Variants in ELMO1 observed in about 807,000 individuals in gnomAD.
ELMO1 encodes the protein engulfment and cell motility 1.
Under a neutral mutation model 98.9 loss-of-function variants are expected in ELMO1, and 26 were observed. The ratio of observed to expected loss-of-function variants is 0.26; its 90% confidence interval spans 0.19 to 0.36. The LOEUF is 0.36. Ranked by LOEUF, ELMO1 falls within the 10% of genes least tolerant of loss-of-function variation. The pLI is 1.00. For synonymous variants in ELMO1, 346 were observed against 346.0 expected (o/e 1.00, Z 0.00); for missense variants, 627 against 935.2 (o/e 0.67, Z 4.30).
chr7:37,073,472 T>C (rs1797389014), intron 15 of ELMO1, among the ~76,000 whole-genome samples: 1 of 152,204 alleles, frequency 6.6e-6, no homozygotes, highest in Non-Finnish European at 1.5e-5. Flanking sequence ...GGCAGAATAG[T>C]AAGGGGCTTT....
intron 4 of ELMO1, among the ~76,000 whole-genome samples, chr7:37,291,304 G>A (rs969238169): frequency 6.6e-6 from 1 of 152,090 alleles, no homozygotes; most frequent in Non-Finnish European, 1.5e-5. Context: ...TATAGCTAGA[G>A]AAAGTGCTTT....
intron 1 of ELMO1, among the ~76,000 whole-genome samples, chr7:37,358,012 T>A (rs147445074): frequency 1.3e-5 from 2 of 152,340 alleles, no homozygotes; most frequent in Non-Finnish European, 2.9e-5. Flanking sequence ...ATTGATTACA[T>A]CCTAGGGTTG....
chr7:36,866,157 T>C (rs889787703), intron 20 of ELMO1, among the ~76,000 whole-genome samples: 4 of 152,218 alleles, frequency 2.6e-5, no homozygotes, highest in East Asian at 1.9e-4. Context: ...GCACCAAGAA[T>C]GCCCACCTTA....
chr7:36,980,518 C>T (rs937490385), intron 16 of ELMO1, among the ~76,000 whole-genome samples: 2 of 152,196 alleles, frequency 1.3e-5, no homozygotes, highest in African/African-American at 4.8e-5. Context: ...GGTTAAATAA[C>T]TTGCAAAACT....
chr7:37,112,853 T>A (rs1231112634), intron 14 of ELMO1, among the ~76,000 whole-genome samples: 1 of 152,216 alleles, frequency 6.6e-6, no homozygotes, highest in Admixed American at 6.5e-5. Context: ...GGGAAGCTAT[T>A]TTTAACTAAT....
chr7:36,865,672 G>C (rs1417849600), intron 20 of ELMO1, among the ~76,000 whole-genome samples: 1 of 152,192 alleles, frequency 6.6e-6, no homozygotes, highest in Non-Finnish European at 1.5e-5. Context: ...AGCTAGATCA[G>C]ATGCCATGTC....
At chr7:36,906,752 C>G (rs983600714) in intron 16 of ELMO1, among the ~76,000 whole-genome samples, 9 of 151,786 alleles carry the variant, frequency 5.9e-5, no homozygotes, top group Non-Finnish European at 1.3e-4. Flanking sequence ...CACTGCACTC[C>G]AGCCTGGGTG....
At chr7:37,283,458 T>C (rs1797241690) in intron 4 of ELMO1, among the ~76,000 whole-genome samples, 1 of 152,216 alleles carries the variant, frequency 6.6e-6, no homozygotes, top group Non-Finnish European at 1.5e-5. Flanking sequence ...TAGAACCCAG[T>C]TCATGTCCAC....
intron 13 of ELMO1, among the ~76,000 whole-genome samples, chr7:37,208,096 G>A (rs746905150): frequency 6.6e-6 from 1 of 152,168 alleles, no homozygotes; most frequent in Non-Finnish European, 1.5e-5. Context: ...CTTTTACCTT[G>A]GAAAACTTAA....
rs550809355 is a variant in ELMO1, at chr7:36,973,643, G to A, written c.1437+39656C>T. Among the ~76,000 whole-genome samples, 658 of 152,330 alleles carry A rather than the reference G, an allele frequency of 4.3e-3. 11 individuals are homozygous for A. Among genetic ancestry groups the A allele is most frequent in the African/African-American group, 0.015 (626 of 41,586 alleles). On this transcript the variant is annotated intron_variant, in intron 16 of 21. Transcript: ENST00000310758. ...CCTCTGCCTGGGCTCCCACTTTGGC[G>A]GCACTTGAGAAGCCCTTCAGCCCAC...
intron 18 of ELMO1, among the ~76,000 whole-genome samples, chr7:36,882,790 A>G (rs1444200430): frequency 1.3e-5 from 2 of 152,210 alleles, no homozygotes; most frequent in Non-Finnish European, 2.9e-5. Context: ...TTCTCAGAAC[A>G]TATTTGTAGT....
intron 4 of ELMO1, among the ~76,000 whole-genome samples, chr7:37,314,153 C>G (rs533616504): frequency 7.2e-5 from 11 of 152,208 alleles, no homozygotes; most frequent in Non-Finnish European, 1.3e-4. Flanking sequence ...GACTCAGTGT[C>G]GTACCTGTTA....
chr7:37,266,923 G>C (rs1336389391), intron 5 of ELMO1, among the ~76,000 whole-genome samples: 1 of 151,558 alleles, frequency 6.6e-6, no homozygotes, highest in East Asian at 1.9e-4. Context: ...TGAGGCAGGA[G>C]AATCACTTGA....
chr7:37,277,065 C>T (rs1796878416), intron 4 of ELMO1, among the ~76,000 whole-genome samples: 1 of 152,228 alleles, frequency 6.6e-6, no homozygotes, highest in Non-Finnish European at 1.5e-5. Context: ...CACCTATGAC[C>T]TGGCACATGC....
chr7:37,131,979 A>C (rs1056643458), intron 14 of ELMO1, among the ~76,000 whole-genome samples: 1 of 152,204 alleles, frequency 6.6e-6, no homozygotes, highest in African/African-American at 2.4e-5. Context: ...ACGGTCCCAT[A>C]GATTACAGAT....
chr7:37,228,909 G>A (rs1400042303), intron 8 of ELMO1, among the ~76,000 whole-genome samples: 2 of 152,040 alleles, frequency 1.3e-5, no homozygotes, highest in Non-Finnish European at 2.9e-5. Flanking sequence ...GGAGAATCGC[G>A]TGAACCCAGG....
chr7:37,403,463 A>C (rs1803619218), intron 1 of ELMO1, among the ~76,000 whole-genome samples: 1 of 152,162 alleles, frequency 6.6e-6, no homozygotes, highest in Admixed American at 6.5e-5. Flanking sequence ...TAGGTGAAGC[A>C]TCGTGGATTT....
chr7:37,274,901 T>TAG lies in ELMO1; in HGVS notation c.193-3020_193-3019insCT, dbSNP rs537288471. On this transcript the variant is annotated intron_variant, in intron 4 of 21. Transcript: ENST00000310758. ...GGAAATTTGGAGCTGCAATGAGACA[T>TAG]TCCTAACAAAAGCAATAAACTAACA... Among the ~76,000 whole-genome samples the TAG allele has an allele frequency of 2.3e-3, 353 of 152,182 alleles. 4 individuals are homozygous for TAG. The highest frequency in any genetic ancestry group is 4.0e-3 in the Non-Finnish European group (273 of 68,044).
At chr7:37,029,542 T>C (rs930289646) in intron 15 of ELMO1, among the ~76,000 whole-genome samples, 28 of 152,014 alleles carry the variant, frequency 1.8e-4, no homozygotes, top group Non-Finnish European at 3.7e-4. Context: ...TTTTGGGAAA[T>C]AAATTTGAGT....
Sources: gnomAD v4.1 joint callset for allele counts (sites outside exome capture counted in the v4.1 genomes callset) on GRCh38, gnomAD v4.1.1 for gene constraint, MANE v1.5 for transcripts, NCBI Gene and HGNC (gene_info 2026-07-23, HGNC 2026-07-21) for gene names.